The following ASPM variants were observed in gnomAD, a reference collection of about 807,000 sequenced individuals.
ASPM encodes abnormal spindle-like microcephaly-associated protein.
ASPM carries 256 observed loss-of-function variants against 366.4 expected under a neutral mutation model. The observed-to-expected ratio is 0.70, with a 90% confidence interval of 0.63 to 0.77. ASPM has a LOEUF of 0.77. Among genes scored for constraint, ASPM ranks in the 30% least tolerant of loss-of-function variants. ASPM has a pLI of 0.00. For synonymous variants in ASPM, 1,414 were observed against 1,342.9 expected, an observed-to-expected ratio of 1.05 and a Z score of -1.16; for missense variants, 4,146 against 4,090.4, an observed-to-expected ratio of 1.01 and a Z score of -0.37.
chr1:197,128,292 T>G (rs1658148936), intron 10 of ASPM, among the ~76,000 whole-genome samples, 198 bp downstream of exon 10: 1 of 149,570 alleles, frequency 6.7e-6, no homozygotes. Context: ...GGAAAAAAGG[T>G]GTGGATAGGA....
At position 197,142,353 on chromosome 1, in the gene ASPM, T is replaced by C. The variant is rs1265195059; in HGVS notation, c.1899A>G (p.Lys633=). The change falls in exon 3 of 28, where the codon AAA becomes AAG. Residue 633 remains lysine (K), a synonymous_variant. Coordinates refer to ENST00000367409, the MANE Select transcript of ASPM (RefSeq NM_018136.5). The stretch of plus-strand genomic sequence containing the variant: ...CACCAGTTTTCTTCTTCAGGTTTAA[T>C]TTCTCTCTGTTGCTAATACGTTTTG... ...PISKRISNRE[K]LNLKKKTDLS... 1 of 1,613,720 alleles carries C rather than the reference T, an allele frequency of 6.2e-7. No individual in the cohort carries two copies. The highest frequency in any genetic ancestry group is 1.3e-5 in the African/African-American group (1 of 74,946).
intron 17 of ASPM, among the ~76,000 whole-genome samples, chr1:197,115,283 C>T (rs1371856172): frequency 6.6e-6 from 1 of 152,196 alleles, no homozygotes; most frequent in Non-Finnish European, 1.5e-5. Flanking sequence ...ATTCGGCACA[C>T]CTTCAGGCAC....
rs745574990 is a variant in ASPM, at chr1:197,086,911, T to C, written c.10223A>G (p.His3408Arg). The change falls in exon 27 of 28, where the codon CAT becomes CGT. Residue 3408 changes from histidine to arginine, a missense_variant. Physicochemically the swap from His to Arg is conservative, Grantham distance 29. Transcript: ENST00000367409. Reference protein sequence around the residue: ...RIYSLYKLTAHKHKMNTERIL... With the variant: ...RIYSLYKLTARKHKMNTERIL... ...TCTTTCAGTATTCATTTTATGTTTATGAGCTGTAAGTTTGTAGAGACTGTA... is the reference window on the plus strand; with the variant it reads ...TCTTTCAGTATTCATTTTATGTTTACGAGCTGTAAGTTTGTAGAGACTGTA... 1.9e-6 allele frequency: 3 copies of C among 1,611,428 alleles called. No individual in the cohort carries two copies. The highest frequency in any genetic ancestry group is 2.5e-6 in the Non-Finnish European group (3 of 1,178,940).
At position 197,084,298 on chromosome 1, in the gene ASPM, A is replaced by G. The variant is rs1437012484; in HGVS notation, c.*26T>C. The G allele has an allele frequency of 2.0e-6, 3 of 1,511,116 alleles. No individual in the cohort carries two copies. Among genetic ancestry groups the G allele is most frequent in the Non-Finnish European group, 2.8e-6 (3 of 1,087,286 alleles). 93.6% of individuals were successfully genotyped at this position (1,511,116 alleles called of 1,614,324 possible). ...ATTGGCTTTAATATTTCTTTACACT[A>G]TACATACTGAAAATGTTTACATTTA... On this transcript the variant is annotated 3_prime_UTR_variant, in exon 28 of 28. Coordinates refer to ENST00000367409, the MANE Select transcript of ASPM (RefSeq NM_018136.5).
At chr1:197,116,233 C>T (rs567880755) in intron 17 of ASPM, among the ~76,000 whole-genome samples, 1 of 152,262 alleles carries the variant, frequency 6.6e-6, no homozygotes, top group East Asian at 1.9e-4. Flanking sequence ...AGCTTCCTTA[C>T]TTCTGTCAAC....
At chr1:197,130,339 A>T (rs1252011422) in intron 7 of ASPM, among the ~76,000 whole-genome samples, 1 of 152,180 alleles carries the variant, frequency 6.6e-6, no homozygotes, top group African/African-American at 2.4e-5. Context: ...ATTTAAGTTA[A>T]AGAACTATCA....
chr1:197,109,536 T>C (rs1375779298), intron 17 of ASPM, among the ~76,000 whole-genome samples: 3 of 152,114 alleles, frequency 2.0e-5, no homozygotes, highest in Non-Finnish European at 4.4e-5. Context: ...GTTTATATAA[T>C]ACTTAATGCG....
chr1:197,107,600 T>C (rs1657452319), intron 17 of ASPM, among the ~76,000 whole-genome samples: 1 of 151,948 alleles, frequency 6.6e-6, no homozygotes, highest in Admixed American at 6.6e-5. Context: ...AATGATGAGA[T>C]GACAAAGATA....
chr1:197,141,920 C>T (rs114155977), intron 3 of ASPM, among the ~76,000 whole-genome samples: 2,188 of 152,212 alleles, frequency 0.014, 53 homozygotes, highest in African/African-American at 0.047. Context: ...AAATCAGATA[C>T]CCAATATGTA....
At chr1:197,096,290 TC>T in intron 18 of ASPM, 126 bp from the exon 19 acceptor site, 4 of 812,070 alleles carry the variant, frequency 4.9e-6, no homozygotes, top group Non-Finnish European at 8.2e-6. Context: ...CATAGTCATA[TC>T]ATGACTCTTT....
intron 17 of ASPM, among the ~76,000 whole-genome samples, chr1:197,110,832 A>T (rs1657560425): frequency 6.6e-6 from 1 of 152,162 alleles, no homozygotes; most frequent in Non-Finnish European, 1.5e-5. Flanking sequence ...TCTTTGACAT[A>T]GTTGACAATA....
rs1170390363 is a variant in ASPM, at chr1:197,090,407, A to G, written c.9637-19T>C. The stretch of plus-strand genomic sequence containing the variant: ...ATAATGCCTTAAAGAGATAAAACAG[A>G]GTAATTTTAAGATTATAGCCAATGT... On this transcript the variant is annotated intron_variant, in intron 23 of 27. Transcript: ENST00000367409. 2 of 1,553,782 alleles carry G rather than the reference A, an allele frequency of 1.3e-6. No individual in the cohort carries two copies. The highest frequency in any genetic ancestry group is 2.1e-4 in the Middle Eastern group (1 of 4,776).
intron 4 of ASPM, chr1:197,139,413 G>A (rs548534856): frequency 1.6e-4 from 92 of 559,740 alleles, no homozygotes; most frequent in Admixed American, 1.0e-3. Flanking sequence ...CGGCCAACAC[G>A]GTGAAACCCC....
chr1:197,085,316 A>T (rs1016096632), intron 27 of ASPM, among the ~76,000 whole-genome samples: 1 of 152,132 alleles, frequency 6.6e-6, no homozygotes, highest in African/African-American at 2.4e-5. Flanking sequence ...CTCCAAGATG[A>T]CTATCTTGGT....
At chr1:197,124,519 T>C (rs554507133) in intron 12 of ASPM, among the ~76,000 whole-genome samples, 188 bp from the exon 13 acceptor site, 45 of 151,374 alleles carry the variant, frequency 3.0e-4, no homozygotes, top group African/African-American at 1.0e-3. Context: ...GCTTTTTTTT[T>C]CCCCAAAGGC....
At chr1:197,124,809 G>T in intron 12 of ASPM, 61 bp downstream of exon 12, 9 of 1,318,320 alleles carry the variant, frequency 6.8e-6, no homozygotes, top group Non-Finnish European at 9.8e-6. Flanking sequence ...GATTCAAATT[G>T]TTTTTATAAA....
chr1:197,120,406 T>C (rs1310377944), intron 16 of ASPM, among the ~76,000 whole-genome samples: 2 of 152,186 alleles, frequency 1.3e-5, no homozygotes, highest in South Asian at 4.1e-4. Context: ...GGCATGCACC[T>C]ATAATCCCAA....
At chr1:197,086,142 T>C (rs561289612) in intron 27 of ASPM, among the ~76,000 whole-genome samples, 47 of 152,202 alleles carry the variant, frequency 3.1e-4, no homozygotes, top group Non-Finnish European at 6.3e-4. Context: ...ATAAAGCTAA[T>C]GGCTGTGTAA....
intron 10 of ASPM, 134 bp from the exon 11 acceptor site, chr1:197,125,325 T>C: frequency 9.0e-7 from 1 of 1,108,994 alleles, no homozygotes; most frequent in Non-Finnish European, 1.3e-6. Flanking sequence ...TTCAAAAAAC[T>C]ATCTCAAAAC....
Sources: allele counts gnomAD v4.1 joint callset (sites outside exome capture counted in the v4.1 genomes callset), GRCh38; gene constraint gnomAD v4.1.1; transcripts MANE v1.5; gene names NCBI Gene and HGNC (gene_info 2026-07-23, HGNC 2026-07-21).